TOP1: variants seen among roughly 807,000 people sequenced by gnomAD.
TOP1 encodes DNA topoisomerase 1.
A neutral mutation model predicts 111.1 loss-of-function variants in TOP1; 10 were observed. The observed-to-expected ratio is 0.09, with a 90% CI of 0.06 to 0.15. The LOEUF is 0.15. TOP1 is among the 10% of genes least tolerant of loss of function. TOP1 has a pLI of 1.00. For synonymous variants in TOP1, 271 were observed against 302.9 expected (o/e 0.89, Z 1.10); for missense variants, 474 against 926.7 (o/e 0.51, Z 6.34).
At position 41,100,421 on chromosome 20, in the gene TOP1, A is replaced by G. The variant is rs73259890; in HGVS notation, c.1163+178A>G. On this transcript the variant is annotated intron_variant, in intron 12 of 20. Coordinates refer to ENST00000361337, the MANE Select transcript of TOP1 (RefSeq NM_003286.4). This position sits in a 1 kb window ranked among gnomAD's most constrained non-coding sequence, Gnocchi z 4.4. ...GAGGTACAGTTGTCTCCCCTCATCCACAGGGGATATGTTCCAAGACCCCCA... is the reference window on the plus strand; with the variant it reads ...GAGGTACAGTTGTCTCCCCTCATCCGCAGGGGATATGTTCCAAGACCCCCA... Among the ~76,000 whole-genome samples the G allele has an allele frequency of 5.2e-3, 789 of 152,276 alleles. 9 individuals are homozygous for G. Among genetic ancestry groups the G allele is most frequent in the African/African-American group, 0.018 (758 of 41,552 alleles).
chr20:41,043,648 G>A (rs2033295606), intron 2 of TOP1, among the ~76,000 whole-genome samples: 3 of 152,150 alleles, frequency 2.0e-5, no homozygotes, highest in Admixed American at 6.5e-5. Flanking sequence ...CACACTTAAA[G>A]TCTTTATGGC....
In TOP1 at chr20:41,109,598, G is replaced by A. The variant is rs550070119; in HGVS notation, c.1309-3184G>A. On this transcript the variant is annotated intron_variant, in intron 13 of 20. Transcript: ENST00000361337. This position sits in a 1 kb window ranked among gnomAD's most constrained non-coding sequence, Gnocchi z 4.1. ...TATCCAGACTATACAAAGAATTCCT[G>A]TAGCTCCATAATAAAAAAACAGACA... Among the ~76,000 whole-genome samples, 32 of 152,098 alleles carry A rather than the reference G, an allele frequency of 2.1e-4. No homozygotes were observed. The highest frequency in any genetic ancestry group is 4.6e-4 in the Non-Finnish European group (31 of 67,990).
At chr20:41,063,242 AT>A (rs1291780591) in intron 3 of TOP1, among the ~76,000 whole-genome samples, 1 of 152,178 alleles carries the variant, frequency 6.6e-6, no homozygotes, top group Non-Finnish European at 1.5e-5. Flanking sequence ...CTCCAGTTGC[AT>A]CCATGTTGCT....
At position 41,036,835 on chromosome 20, in the gene TOP1, T is replaced by TTTC. The variant is rs768045780; in HGVS notation, c.58+7382_58+7383insCTT. On this transcript the variant is annotated intron_variant, in intron 2 of 20. Transcript: ENST00000361337. ...TGTATATCTAGTTCCTACTTTTCTT[T>TTTC]TTTTTTTTTTTTTGAGATGGAGTCT... Among the ~76,000 whole-genome samples the TTTC allele has an allele frequency of 9.2e-3, 1,227 of 133,964 alleles. 23 individuals carry two copies. The highest frequency in any genetic ancestry group is 0.041 in the Middle Eastern group (10 of 246). 87.9% of individuals were successfully genotyped at this position (133,964 alleles called of 152,430 possible). A position where few individuals can be genotyped will look rare whatever the true frequency, so the allele number is the denominator to read the frequency against.
Position 41,029,232 on chromosome 20 carries a change from C to T in TOP1, c.33+132C>T, listed in dbSNP as rs1430948592. ...GAGCCCCCGGTGAGGGGCCGCCTGC[C>T]GGAGTAGATCGGCTCGCTAGGCCGC... is the stretch of plus-strand genomic sequence containing the variant. On this transcript the variant is annotated intron_variant, in intron 1 of 20. Transcript: ENST00000361337. The surrounding 1 kb of genome is among the most constrained non-coding windows in gnomAD (Gnocchi z 6.1). 6 of 792,640 alleles carry T rather than the reference C, an allele frequency of 7.6e-6. No homozygotes were observed. The highest frequency in any genetic ancestry group is 7.2e-6 in the Non-Finnish European group (4 of 555,188). 49.1% of individuals were successfully genotyped at this position (792,640 alleles called of 1,614,324 possible).
intron 8 of TOP1, among the ~76,000 whole-genome samples, chr20:41,089,877 A>G (rs576793918): frequency 3.9e-5 from 6 of 152,122 alleles, no homozygotes; most frequent in Non-Finnish European, 5.9e-5. Context: ...TATTTTCCTA[A>G]TGATTATTGA....
In TOP1 at chr20:41,058,022, G is replaced by A. The variant is rs2033495411; in HGVS notation, c.59-3372G>A. ...TATAGACTCGAGGTTTTTAGAAGAAGCTGAAGGGTTCTGTATGCTGCATGG... is the reference window on the plus strand; with the variant it reads ...TATAGACTCGAGGTTTTTAGAAGAAACTGAAGGGTTCTGTATGCTGCATGG... On this transcript the variant is annotated intron_variant, in intron 2 of 20. Coordinates refer to ENST00000361337, the MANE Select transcript of TOP1 (RefSeq NM_003286.4). The surrounding 1 kb of genome is among the most constrained non-coding windows in gnomAD (Gnocchi z 4.2). 6.6e-6 allele frequency among the ~76,000 whole-genome samples: 1 copy of A among 152,182 alleles called. No homozygotes were observed. Among genetic ancestry groups the A allele is most frequent in the Admixed American group, 6.5e-5 (1 of 15,284 alleles).
chr20:41,087,647 C>G (rs1285862360), intron 8 of TOP1, among the ~76,000 whole-genome samples: 2 of 152,138 alleles, frequency 1.3e-5, no homozygotes, highest in African/African-American at 4.8e-5. Flanking sequence ...AGAAAAACTT[C>G]CCTTAATTTC....
intron 3 of TOP1, among the ~76,000 whole-genome samples, chr20:41,062,397 AT>A (rs1390556797): frequency 6.6e-6 from 1 of 152,174 alleles, no homozygotes. Context: ...AAATAACCAG[AT>A]TTAATTTTCT....
At chr20:41,038,564 A>C (rs1182965293) in intron 2 of TOP1, among the ~76,000 whole-genome samples, 1 of 152,224 alleles carries the variant, frequency 6.6e-6, no homozygotes, top group Non-Finnish European at 1.5e-5. Flanking sequence ...CTATTGCTGT[A>C]AATCATAGAA....
At chr20:41,038,795 G>A (rs935556861) in intron 2 of TOP1, among the ~76,000 whole-genome samples, 2 of 152,068 alleles carry the variant, frequency 1.3e-5, no homozygotes, top group African/African-American at 4.8e-5. Context: ...AGATCAGCCT[G>A]GGCAACATGG....
At chr20:41,064,729 A>G (rs533108298) in intron 3 of TOP1, among the ~76,000 whole-genome samples, 2 of 152,132 alleles carry the variant, frequency 1.3e-5, no homozygotes, top group South Asian at 4.2e-4. Context: ...TCTCATATTA[A>G]ATGCCACTTT....
chr20:41,053,307 G>C (rs2033428735), intron 2 of TOP1, among the ~76,000 whole-genome samples: 1 of 152,046 alleles, frequency 6.6e-6, no homozygotes, highest in Non-Finnish European at 1.5e-5. Flanking sequence ...CCTCCAGGAA[G>C]CCTATGTTAA....
rs2033470137 is a variant in TOP1, at chr20:41,056,306, G to A, written c.59-5088G>A. On this transcript the variant is annotated intron_variant, in intron 2 of 20. Transcript: ENST00000361337. Reference sequence around the variant, plus strand: ...TTTTAGTGGTTAGTTCTTTTGTACTGACCTCAATTTGCCTCCCTATCATTT... The same window carrying A: ...TTTTAGTGGTTAGTTCTTTTGTACTAACCTCAATTTGCCTCCCTATCATTT... Among the ~76,000 whole-genome samples, 4 of 152,038 alleles carry A rather than the reference G, an allele frequency of 2.6e-5. No homozygotes were observed. The South Asian group carries it at 8.3e-4, about 32-fold the overall frequency.
At chr20:41,090,116 G>A (rs2033902056) in intron 8 of TOP1, among the ~76,000 whole-genome samples, 1 of 152,066 alleles carries the variant, frequency 6.6e-6, no homozygotes, top group Non-Finnish European at 1.5e-5. Flanking sequence ...TGAGATTACA[G>A]GCGTGCACCA....
Position 41,115,875 on chromosome 20 carries a change from G to C in TOP1, c.1708-403G>C, listed in dbSNP as rs912215892. Among the ~76,000 whole-genome samples, 10 of 152,206 alleles carry C rather than the reference G, an allele frequency of 6.6e-5. No homozygotes were observed. The highest frequency in any genetic ancestry group is 2.4e-4 in the African/African-American group (10 of 41,444). ...GCACTTTGAGAGGTCAAGTAGGGCA[G>C]ATCCCTTGAGGTCAGGAGTTTGAGA... is the stretch of plus-strand genomic sequence containing the variant. On this transcript the variant is annotated intron_variant, in intron 16 of 20. Coordinates refer to ENST00000361337, the MANE Select transcript of TOP1 (RefSeq NM_003286.4). The surrounding 1 kb of genome is among the most constrained non-coding windows in gnomAD (Gnocchi z 6.3).
intron 4 of TOP1, among the ~76,000 whole-genome samples, chr20:41,076,846 CCT>C (rs1446688609): frequency 6.6e-6 from 1 of 152,132 alleles, no homozygotes; most frequent in Non-Finnish European, 1.5e-5. Context: ...TCTCTTCACC[CCT>C]GACTCACTGT....
chr20:41,102,815 T>C lies in TOP1; in HGVS notation c.1308+1462T>C, dbSNP rs1253480159. On this transcript the variant is annotated intron_variant, in intron 13 of 20. Transcript: ENST00000361337. This position sits in a 1 kb window ranked among gnomAD's most constrained non-coding sequence, Gnocchi z 4.0. Reference sequence around the variant, plus strand: ...AGCCCTTAAGGAACTTATAGGCTGGTGGGCAAATCAGGTAAGAATTCAGTT... The same window carrying C: ...AGCCCTTAAGGAACTTATAGGCTGGCGGGCAAATCAGGTAAGAATTCAGTT... Among the ~76,000 whole-genome samples, 1 of 152,152 alleles carries C rather than the reference T, an allele frequency of 6.6e-6. No individual in the cohort carries two copies. Among genetic ancestry groups the C allele is most frequent in the East Asian group, 1.9e-4 (1 of 5,206 alleles).
At position 41,029,370 on chromosome 20, in the gene TOP1, G is replaced by A. The variant is rs1034828084; in HGVS notation, c.34-61G>A. On this transcript the variant is annotated intron_variant, in intron 1 of 20. Coordinates refer to ENST00000361337, the MANE Select transcript of TOP1 (RefSeq NM_003286.4). This position sits in a 1 kb window ranked among gnomAD's most constrained non-coding sequence, Gnocchi z 6.1. ...GGTGAGCCAGACCCCGGCCGCGCGCGCTCGCCGCCGGAGGGGTTAAAGTGG... is the reference window on the plus strand; with the variant it reads ...GGTGAGCCAGACCCCGGCCGCGCGCACTCGCCGCCGGAGGGGTTAAAGTGG... 5.0e-6 allele frequency: 7 copies of A among 1,412,400 alleles called. No individual in the cohort carries two copies. In the African/African-American group the frequency reaches 6.0e-5, roughly 12 times the overall value. The allele number at this position is 1,412,400 out of a possible 1,614,324, so 87.5% of individuals were successfully genotyped here.
Sources: gnomAD v4.1 joint callset for allele counts (sites outside exome capture counted in the v4.1 genomes callset) on GRCh38, gnomAD v4.1.1 for gene constraint, Gnocchi (gnomAD v3.1) non-coding constraint, MANE v1.5 for transcripts, NCBI Gene and HGNC (gene_info 2026-07-23, HGNC 2026-07-21) for gene names.